Variants in STK33 observed in about 807,000 individuals in gnomAD.
STK33 encodes the protein serine/threonine kinase 33, also known as serine/threonine-protein kinase 33.
A neutral mutation model predicts 58.0 loss-of-function variants in STK33; 52 were observed. That is an observed-to-expected ratio of 0.90 (90% CI 0.72 to 1.13). The LOEUF is 1.13. Among genes scored for constraint, STK33 ranks in the 50% most tolerant of loss-of-function variants. The pLI, the probability that STK33 is intolerant of heterozygous loss-of-function variation, is 0.00. For missense variants in STK33, 630 were observed against 604.2 expected, an observed-to-expected ratio of 1.04 and a Z score of -0.45; for synonymous variants, 215 against 200.1, an observed-to-expected ratio of 1.07 and a Z score of -0.63.
chr11:8,536,382 T>G (rs1386177846), intron 1 of STK33, among the ~76,000 whole-genome samples: 1 of 152,092 alleles, frequency 6.6e-6, no homozygotes, highest in Admixed American at 6.5e-5. Flanking sequence ...AGAGCAAAAT[T>G]AATTTTTTTA....
At chr11:8,475,838 T>C (rs574624120) in intron 4 of STK33, 18 of 152,192 alleles carry the variant, frequency 1.2e-4, no homozygotes, top group Non-Finnish European at 1.5e-5. Context: ...TATGGTTTTA[T>C]GCTATACCAT....
chr11:8,447,884 A>T (rs1273965547), intron 11 of STK33, among the ~76,000 whole-genome samples: 1 of 152,200 alleles, frequency 6.6e-6, no homozygotes, highest in Admixed American at 6.5e-5. Context: ...ATATCTAGAA[A>T]ACCCCACTGT....
chr11:8,587,253 C>T (rs1430660605), intron 1 of STK33, among the ~76,000 whole-genome samples: 2 of 152,002 alleles, frequency 1.3e-5, no homozygotes, highest in Non-Finnish European at 2.9e-5. Flanking sequence ...AATTTGAAAA[C>T]ATTTTTCAAT....
At chr11:8,525,362 C>T (rs1241947554) in intron 1 of STK33, among the ~76,000 whole-genome samples, 1 of 152,186 alleles carries the variant, frequency 6.6e-6, no homozygotes, top group Admixed American at 6.5e-5. Flanking sequence ...TCAGCACTTA[C>T]TTAGCTGTAT....
intron 1 of STK33, among the ~76,000 whole-genome samples, chr11:8,568,727 C>T (rs534404849): frequency 3.3e-5 from 5 of 152,248 alleles, no homozygotes; most frequent in African/African-American, 1.2e-4. Context: ...AAATATAATG[C>T]AGCAGAAGGA....
the STK33 span, among the ~76,000 whole-genome samples, chr11:8,337,978 A>G: frequency 6.6e-6 from 1 of 151,832 alleles, no homozygotes; most frequent in African/African-American, 2.4e-5. Context: ...CACACACTTT[A>G]TCTTTCTGCA....
At chr11:8,512,919 T>C (rs772746759) in intron 1 of STK33, among the ~76,000 whole-genome samples, 2 of 152,192 alleles carry the variant, frequency 1.3e-5, no homozygotes, top group African/African-American at 2.4e-5. Flanking sequence ...TTAGCGCCCC[T>C]AGGTTTAGCA....
intron 11 of STK33, among the ~76,000 whole-genome samples, chr11:8,451,757 G>A (rs1415821485): frequency 6.6e-6 from 1 of 152,080 alleles, no homozygotes; most frequent in African/African-American, 2.4e-5. Context: ...CATTGTAAAG[G>A]ATGCACAAAT....
the STK33 span, among the ~76,000 whole-genome samples, chr11:8,383,489 G>A: frequency 1.3e-5 from 2 of 152,324 alleles, no homozygotes. Flanking sequence ...CTTCTGCACT[G>A]AGGAAGAGTT....
chr11:8,503,615 A>G (rs1183518763), intron 1 of STK33, among the ~76,000 whole-genome samples: 1 of 152,192 alleles, frequency 6.6e-6, no homozygotes, highest in East Asian at 1.9e-4. Context: ...CCCTGAAACT[A>G]AAAGTTAAAA....
chr11:8,389,047 C>A (rs560524533), downstream of STK33, among the ~76,000 whole-genome samples: 9 of 152,354 alleles, frequency 5.9e-5, no homozygotes, highest in Middle Eastern at 3.4e-3. Flanking sequence ...AAAGGGTCTC[C>A]ACCACTTGAG....
intron 14 of STK33, among the ~76,000 whole-genome samples, chr11:8,425,630 A>G (rs1942624499): frequency 6.6e-6 from 1 of 152,104 alleles, no homozygotes; most frequent in South Asian, 2.1e-4. Context: ...TTGTGTTTCA[A>G]TATTTCCATG....
rs55646106 is a variant in STK33 at position 8,442,030 on chromosome 11, TACACACACAC to T, written c.872-1287_872-1278del. On this transcript the variant is annotated intron_variant, in intron 11 of 15. Transcript: ENST00000687296. Reference sequence around the variant, plus strand: ...TCTCCCACCTACACATACCTACACCTACACACACACACACACACACACACACACACACACA... The same window carrying T: ...TCTCCCACCTACACATACCTACACCTACACACACACACACACACACACACA... 3.8e-3 allele frequency among the ~76,000 whole-genome samples: 547 copies of T among 143,408 alleles called. 3 individuals carry two copies. The highest frequency in any genetic ancestry group is 0.011 in the African/African-American group (446 of 39,060). The allele number at this position is 143,408 out of a possible 152,430, so 94.1% of individuals were successfully genotyped here. A position where few individuals can be genotyped will look rare whatever the true frequency, so the allele number is the denominator to read the frequency against.
intron 1 of STK33, among the ~76,000 whole-genome samples, chr11:8,587,998 C>T (rs1427394760): frequency 6.6e-6 from 1 of 152,164 alleles, no homozygotes; most frequent in African/African-American, 2.4e-5. Context: ...AAGACCAGGA[C>T]ACCAGCAGAT....
At chr11:8,455,239 G>C (rs1346371802) in intron 9 of STK33, among the ~76,000 whole-genome samples, 1 of 152,150 alleles carries the variant, frequency 6.6e-6, no homozygotes, top group East Asian at 1.9e-4. Context: ...GTTACTGTCA[G>C]CATAAACATT....
intron 1 of STK33, among the ~76,000 whole-genome samples, chr11:8,535,286 A>G (rs1490568662): frequency 6.6e-6 from 1 of 152,178 alleles, no homozygotes; most frequent in African/African-American, 2.4e-5. Flanking sequence ...AAAAATTTCA[A>G]AAGTATCACT....
At chr11:8,583,198 T>C (rs72855141) in intron 1 of STK33, among the ~76,000 whole-genome samples, 54 of 152,334 alleles carry the variant, frequency 3.5e-4, no homozygotes, top group Non-Finnish European at 6.9e-4. Flanking sequence ...AAAATGATCA[T>C]GTGTCCCCTT....
chr11:8,491,252 A>C (rs1263725552), intron 1 of STK33, among the ~76,000 whole-genome samples: 1 of 152,186 alleles, frequency 6.6e-6, no homozygotes, highest in African/African-American at 2.4e-5. Flanking sequence ...AACTTAAATG[A>C]CCTGATGGAG....
At chr11:8,526,864 T>G (rs951603839) in intron 1 of STK33, among the ~76,000 whole-genome samples, 1 of 144,638 alleles carries the variant, frequency 6.9e-6, no homozygotes, top group African/African-American at 2.5e-5. Flanking sequence ...ATAGATACTG[T>G]AAGATTCTGT....
Sources: allele counts gnomAD v4.1 joint callset (sites outside exome capture counted in the v4.1 genomes callset), GRCh38; gene constraint gnomAD v4.1.1; transcripts MANE v1.5; gene names NCBI Gene and HGNC (gene_info 2026-07-23, HGNC 2026-07-21).